ZSWIM6: variants seen among roughly 807,000 people sequenced by gnomAD.
ZSWIM6 encodes the protein zinc finger SWIM domain-containing protein 6.
Under a neutral mutation model 113.2 loss-of-function variants are expected in ZSWIM6, and 9 were observed. The ratio of observed to expected loss-of-function variants is 0.08; its 90% CI spans 0.05 to 0.14. The LOEUF (loss-of-function observed/expected upper bound fraction) is 0.14. Among genes scored for constraint, ZSWIM6 ranks in the 10% least tolerant of loss-of-function variants. The pLI is 1.00. For missense variants in ZSWIM6, 1,162 were observed against 1,552.2 expected (o/e 0.75, Z 4.22); for synonymous variants, 611 against 606.5 (o/e 1.01, Z -0.11).
At chr5:61,458,592 A>G (rs1986252) in intron 1 of ZSWIM6, among the ~76,000 whole-genome samples, 93,116 of 152,026 alleles carry the variant, frequency 0.61, 30,887 homozygotes, top group African/African-American at 0.87. Context: ...TACAGATGAG[A>G]CCAGGCTGGA....
intron 1 of ZSWIM6, among the ~76,000 whole-genome samples, chr5:61,406,800 C>T (rs1055835956): frequency 6.6e-6 from 1 of 152,022 alleles, no homozygotes; most frequent in Non-Finnish European, 1.5e-5. Context: ...GCAGCCTCTG[C>T]CTCCCGGGTT....
chr5:61,473,085 C>A, intron 2 of ZSWIM6, 48 bp downstream of exon 2: 2 of 1,195,646 alleles, frequency 1.7e-6, no homozygotes, highest in Non-Finnish European at 1.1e-6. Flanking sequence ...GATCCTTTTT[C>A]ACTTATAAAT....
At chr5:61,508,797 A>G (rs1219889402) in intron 4 of ZSWIM6, among the ~76,000 whole-genome samples, 5 of 152,088 alleles carry the variant, frequency 3.3e-5, no homozygotes, top group Admixed American at 6.6e-5. Flanking sequence ...CTGAGTTTCT[A>G]TATATAAGAA....
chr5:61,543,469 G>C lies in ZSWIM6; in HGVS notation c.2800G>C (p.Asp934His), dbSNP rs1749797215. 6.5e-7 allele frequency: 1 copy of C among 1,550,320 alleles called. No individual in the cohort carries two copies. The change falls in exon 14 of 14, where the codon GAC becomes CAC. Residue 934 changes from aspartate (D) to histidine (H), a missense_variant. By Grantham distance (81) the Asp-to-His change is moderately conservative. Coordinates refer to ENST00000252744, the MANE Select transcript of ZSWIM6 (RefSeq NM_020928.2). This position sits in a 1 kb window ranked among gnomAD's most constrained non-coding sequence, Gnocchi z 4.3. Reference protein sequence around the residue: ...CATEVGVYALDSIMQTWFTLF... With the variant: ...CATEVGVYALHSIMQTWFTLF... ...GTTCCTTGCAGGGGTTTATGCCCTG[G>C]ACAGCATCATGCAGACCTGGTTTAC...
At chr5:61,439,906 G>T (rs1302493341) in intron 1 of ZSWIM6, among the ~76,000 whole-genome samples, 1 of 152,106 alleles carries the variant, frequency 6.6e-6, no homozygotes, top group Admixed American at 6.6e-5. Flanking sequence ...TGAGAATAAG[G>T]TAGGAATGGT....
rs377064263 is a variant in ZSWIM6 at position 61,429,082 on chromosome 5, C to A, written c.677-43599C>A. ...TCATTTTATGTAAATGGCAGGGAAA[C>A]CTCAATTTAAAACGAAACCTCTGTG... On this transcript the variant is annotated intron_variant, in intron 1 of 13. Coordinates refer to ENST00000252744, the MANE Select transcript of ZSWIM6 (RefSeq NM_020928.2). 2.6e-4 allele frequency among the ~76,000 whole-genome samples: 40 copies of A among 152,304 alleles called. No homozygotes were observed. The South Asian group carries it at 8.1e-3, about 31-fold the overall frequency.
At chr5:61,347,895 A>G (rs886536301) in intron 1 of ZSWIM6, among the ~76,000 whole-genome samples, 2 of 152,142 alleles carry the variant, frequency 1.3e-5, no homozygotes, top group African/African-American at 4.8e-5. Context: ...AACCAAGTTG[A>G]TGTTAAGCAT....
chr5:61,413,732 G>A (rs1746191446), intron 1 of ZSWIM6, among the ~76,000 whole-genome samples: 1 of 152,106 alleles, frequency 6.6e-6, no homozygotes, highest in Admixed American at 6.5e-5. Flanking sequence ...GTGTGAGATG[G>A]TATCTCATTG....
intron 1 of ZSWIM6, among the ~76,000 whole-genome samples, chr5:61,449,918 A>G (rs1747051690): frequency 6.6e-6 from 1 of 152,226 alleles, no homozygotes; most frequent in Non-Finnish European, 1.5e-5. Context: ...TGAATGTATG[A>G]ATAATCAGTC....
intron 4 of ZSWIM6, among the ~76,000 whole-genome samples, chr5:61,514,491 G>A (rs1225564585): frequency 6.6e-6 from 1 of 151,822 alleles, no homozygotes; most frequent in Non-Finnish European, 1.5e-5. Context: ...TGCTATTATT[G>A]TGTTAACTAT....
At chr5:61,516,413 A>G (rs1024506675) in intron 4 of ZSWIM6, among the ~76,000 whole-genome samples, 3 of 147,752 alleles carry the variant, frequency 2.0e-5, no homozygotes, top group Non-Finnish European at 4.5e-5. Flanking sequence ...TTGCCATGTT[A>G]AATGGCATGT....
intron 1 of ZSWIM6, among the ~76,000 whole-genome samples, chr5:61,431,739 C>T (rs1579993190): frequency 2.0e-5 from 3 of 151,768 alleles, no homozygotes; most frequent in Non-Finnish European, 2.9e-5. Context: ...AGTGAGACTC[C>T]GTCTCAAAAA....
rs1296310123 is a variant in ZSWIM6, at chr5:61,531,503, C to T, written c.2023C>T (p.Leu675=). 1.2e-5 allele frequency: 19 copies of T among 1,551,570 alleles called. No individual in the cohort carries two copies. In the Admixed American group the frequency reaches 3.7e-4, roughly 30 times the overall value. Residue 675 remains leucine (L), a synonymous_variant, in exon 9 of 14, where the codon CTA becomes TTA. Coordinates refer to ENST00000252744, the MANE Select transcript of ZSWIM6 (RefSeq NM_020928.2). The part of the protein sequence containing the change: ...GQCKSLEYQH[L]PAHKFLEEGE... ...GTGCAAGTCTCTGGAATACCAGCAT[C>T]TACCTGCACACAAATTCTTAGAAGA...
At chr5:61,527,215 A>T (rs891464802) in intron 7 of ZSWIM6, among the ~76,000 whole-genome samples, 1 of 152,198 alleles carries the variant, frequency 6.6e-6, no homozygotes, top group Non-Finnish European at 1.5e-5. Flanking sequence ...TTTCTGATTA[A>T]TCCATGTACA....
chr5:61,374,020 G>A (rs1745318999), intron 1 of ZSWIM6, among the ~76,000 whole-genome samples: 1 of 151,890 alleles, frequency 6.6e-6, no homozygotes, highest in African/African-American at 2.4e-5. Context: ...TTTACTTTTT[G>A]TTTCTATCTT....
chr5:61,432,926 T>C (rs747400201), intron 1 of ZSWIM6, among the ~76,000 whole-genome samples: 1 of 152,210 alleles, frequency 6.6e-6, no homozygotes, highest in Non-Finnish European at 1.5e-5. Context: ...TTAATGTTCA[T>C]TTATTTGCCT....
intron 4 of ZSWIM6, among the ~76,000 whole-genome samples, chr5:61,498,449 T>C (rs1333198146): frequency 2.0e-5 from 3 of 152,232 alleles, no homozygotes; most frequent in Non-Finnish European, 4.4e-5. Context: ...TAATTCTGTG[T>C]GAACAGAAAT....
rs186348442 is a variant in ZSWIM6, at chr5:61,427,853, G to A, written c.677-44828G>A. ...AGACCAACTGTATTCTAGTGTATAT[G>A]TTTATTTAATGCTAATAAAACAACT... On this transcript the variant is annotated intron_variant, in intron 1 of 13. Coordinates refer to ENST00000252744, the MANE Select transcript of ZSWIM6 (RefSeq NM_020928.2). Among the ~76,000 whole-genome samples, 19 of 152,042 alleles carry A rather than the reference G, an allele frequency of 1.2e-4. No homozygotes were observed. The East Asian group carries it at 3.7e-3, about 29-fold the overall frequency.
chr5:61,541,777 G>A lies in ZSWIM6; in HGVS notation c.2704-107G>A, dbSNP rs1180489910. On this transcript the variant is annotated intron_variant, in intron 12 of 13. Transcript: ENST00000252744. ...TCTAAATTATGCTTTCATCTTCCTG[G>A]TGGTAGACAGTAGGTATGCCTTATA... 6 of 838,170 alleles carry A rather than the reference G, an allele frequency of 7.2e-6. No homozygotes were observed. In the East Asian group the frequency reaches 1.4e-4, roughly 19 times the overall value. 51.9% of individuals were successfully genotyped at this position (838,170 alleles called of 1,614,324 possible).
Sources: gnomAD v4.1 joint callset for allele counts (sites outside exome capture counted in the v4.1 genomes callset) on GRCh38, gnomAD v4.1.1 for gene constraint, Gnocchi (gnomAD v3.1) non-coding constraint, MANE v1.5 for transcripts, NCBI Gene and HGNC (gene_info 2026-07-23, HGNC 2026-07-21) for gene names.